Variants in PI4K2A observed in about 807,000 individuals in gnomAD.
The protein encoded by PI4K2A is phosphatidylinositol 4-kinase type 2-alpha.
Under a neutral mutation model 55.0 loss-of-function variants are expected in PI4K2A, and 20 were observed. The ratio of observed to expected loss-of-function variants is 0.36; its 90% CI spans 0.26 to 0.53. The LOEUF (loss-of-function observed/expected upper bound fraction) is 0.53, where lower values mean the gene tolerates loss of function less well. Among genes scored for constraint, PI4K2A ranks in the 20% least tolerant of loss-of-function variants. The pLI, the probability that PI4K2A is intolerant of heterozygous loss-of-function variation, is 0.91. For missense variants in PI4K2A, 463 were observed against 637.1 expected (o/e 0.73, Z 2.94); for synonymous variants, 235 against 258.5 (o/e 0.91, Z 0.87).
intron 4 of PI4K2A, 34 bp downstream of exon 4, chr10:97,657,008 C>CAG (rs765659102): frequency 6.2e-7 from 1 of 1,612,322 alleles, no homozygotes; most frequent in Non-Finnish European, 8.5e-7. Flanking sequence ...TGCCCTGTGC[C>CAG]AGACTGTGTT....
At chr10:97,641,585 G>T (rs959248607) in intron 1 of PI4K2A, among the ~76,000 whole-genome samples, 6 of 152,128 alleles carry the variant, frequency 3.9e-5, no homozygotes, top group African/African-American at 9.7e-5. Flanking sequence ...CCAGTGTGTC[G>T]CTGTTCACGG....
At chr10:97,641,578 G>T (rs2041470083) in intron 1 of PI4K2A, among the ~76,000 whole-genome samples, 3 of 152,190 alleles carry the variant, frequency 2.0e-5, no homozygotes, top group Non-Finnish European at 4.4e-5. Context: ...GACCGAACCA[G>T]TGTGTCGCTG....
chr10:97,641,340 C>T (rs2041467414), intron 1 of PI4K2A, among the ~76,000 whole-genome samples, 163 bp downstream of exon 1: 1 of 151,816 alleles, frequency 6.6e-6, no homozygotes, highest in Non-Finnish European at 1.5e-5. Context: ...GGACGCTCTG[C>T]GGAATGGAGA....
At chr10:97,640,857 G>T in exon 1 of PI4K2A, 3 of 1,336,418 alleles carry the variant, frequency 2.2e-6, no homozygotes, top group Non-Finnish European at 2.9e-6. Context: ...GGTCCGAGTG[G>T]CGGCGGCGGC....
At chr10:97,642,844 TTCC>T (rs1564772248) in intron 1 of PI4K2A, among the ~76,000 whole-genome samples, 228 of 18,622 alleles carry the variant, frequency 0.012, 35 homozygotes, top group African/African-American at 0.038. Context: ...CCTTCCTTCC[TTCC>T]TTCCTTTCTT....
At chr10:97,671,935 T>C (rs1298661772) in intron 8 of PI4K2A, among the ~76,000 whole-genome samples, 1 of 152,154 alleles carries the variant, frequency 6.6e-6, no homozygotes, top group East Asian at 1.9e-4. Context: ...ATTACAGGCA[T>C]GAGCTACCAC....
intron 8 of PI4K2A, among the ~76,000 whole-genome samples, chr10:97,669,807 G>A (rs2041626938): frequency 6.6e-6 from 1 of 151,714 alleles, no homozygotes; most frequent in Admixed American, 6.6e-5. Context: ...GGCCCCACAG[G>A]GACACAGTCA....
chr10:97,673,275 G>A (rs1054116719), intron 8 of PI4K2A, among the ~76,000 whole-genome samples: 1 of 152,216 alleles, frequency 6.6e-6, no homozygotes, highest in Non-Finnish European at 1.5e-5. Flanking sequence ...ACAGGCGTGA[G>A]CCAGCGTGCC....
At chr10:97,652,153 C>A (rs538744764) in intron 2 of PI4K2A, among the ~76,000 whole-genome samples, 4 of 152,164 alleles carry the variant, frequency 2.6e-5, no homozygotes, top group African/African-American at 9.6e-5. Flanking sequence ...AACCTATAGA[C>A]CCCCTTTCCA....
chr10:97,662,891 A>G lies in PI4K2A; in HGVS notation c.923-16A>G, dbSNP rs7905087. 612,819 of 1,567,704 alleles carry G rather than the reference A, an allele frequency of 0.39. 122,466 individuals are homozygous for G. The highest frequency in any genetic ancestry group is 0.5 in the South Asian group (44,891 of 90,042). ...CATCCCCCCTTTTTCTGCTAACTTT[A>G]TATTTCTGTTCACAGATCGAGGCAA... is the stretch of plus-strand genomic sequence containing the variant. On this transcript the variant is annotated splice_polypyrimidine_tract_variant and intron_variant, in intron 4 of 8. Transcript: ENST00000370631.
intron 4 of PI4K2A, among the ~76,000 whole-genome samples, chr10:97,659,871 ATTG>A (rs2135757775): frequency 6.6e-6 from 1 of 152,064 alleles, no homozygotes; most frequent in East Asian, 1.9e-4. Flanking sequence ...TGCCACTACA[ATTG>A]TTGTCCACGT....
intron 6 of PI4K2A, among the ~76,000 whole-genome samples, chr10:97,665,770 T>C (rs1201106523): frequency 6.6e-6 from 1 of 151,884 alleles, no homozygotes; most frequent in Admixed American, 6.6e-5. Context: ...TTTTTGTATT[T>C]TTAGTAGAGA....
At chr10:97,644,959 G>A (rs2041498055) in intron 1 of PI4K2A, among the ~76,000 whole-genome samples, 1 of 152,050 alleles carries the variant, frequency 6.6e-6, no homozygotes, top group Non-Finnish European at 1.5e-5. Flanking sequence ...AATTTTGGAT[G>A]GTTTCTGTCT....
intron 7 of PI4K2A, 56 bp from the exon 8 acceptor site, chr10:97,667,005 T>C: frequency 7.4e-7 from 1 of 1,355,510 alleles, no homozygotes; most frequent in Non-Finnish European, 1.0e-6. Flanking sequence ...GGGGAGAAAA[T>C]GGGTTCCTGT....
intron 1 of PI4K2A, among the ~76,000 whole-genome samples, chr10:97,646,569 CTTAATG>C (rs1257454642): frequency 6.6e-6 from 1 of 152,174 alleles, no homozygotes; most frequent in Admixed American, 6.5e-5. Flanking sequence ...GAACTATCCA[CTTAATG>C]TTTATGAAAC....
At chr10:97,642,843 C>CT (rs201219082) in intron 1 of PI4K2A, among the ~76,000 whole-genome samples, 1 of 13,864 alleles carries the variant, frequency 7.2e-5, no homozygotes, top group Non-Finnish European at 1.5e-4. Flanking sequence ...TCCTTCCTTC[C>CT]TTCCTTCCTT....
At chr10:97,641,674 G>A (rs868494095) in intron 1 of PI4K2A, among the ~76,000 whole-genome samples, 1 of 152,130 alleles carries the variant, frequency 6.6e-6, no homozygotes, top group Admixed American at 6.5e-5. Flanking sequence ...CCCTGCCACC[G>A]TCCCAGCTCT....
chr10:97,643,826 A>G (rs1348523160), intron 1 of PI4K2A, among the ~76,000 whole-genome samples: 2 of 152,216 alleles, frequency 1.3e-5, no homozygotes, highest in Admixed American at 1.3e-4. Flanking sequence ...AGCATTTACT[A>G]TATTCCTTTA....
At chr10:97,667,021 A>T in intron 7 of PI4K2A, 40 bp from the exon 8 acceptor site, 11 of 1,528,226 alleles carry the variant, frequency 7.2e-6, no homozygotes, top group Non-Finnish European at 1.0e-5. Context: ...CCTGTGAGGC[A>T]TTCACACAGG....
Sources: allele counts gnomAD v4.1 joint callset (sites outside exome capture counted in the v4.1 genomes callset), GRCh38; gene constraint gnomAD v4.1.1; transcripts MANE v1.5; gene names NCBI Gene and HGNC (gene_info 2026-07-23, HGNC 2026-07-21).